CHRNE: variants seen among roughly 807,000 people sequenced by gnomAD.
CHRNE encodes the protein acetylcholine receptor subunit epsilon.
CHRNE carries 58 observed loss-of-function variants against 56.5 expected under a neutral mutation model. That is an observed-to-expected ratio of 1.03 (90% CI 0.83 to 1.28). CHRNE has a LOEUF of 1.28. Ranked by LOEUF, CHRNE falls within the 50% of genes most tolerant of loss-of-function variation. The pLI, the probability that CHRNE is intolerant of heterozygous loss-of-function variation, is 0.00. For missense variants in CHRNE, 793 were observed against 688.9 expected, an observed-to-expected ratio of 1.15 and a Z score of -1.69; for synonymous variants, 385 against 297.9, an observed-to-expected ratio of 1.29 and a Z score of -3.01.
rs1330288585 is a variant in CHRNE, at chr17:4,898,716, G to C, written c.*20C>G. The C allele has an allele frequency of 1.2e-6, 2 of 1,605,668 alleles. No homozygotes were observed. The highest frequency in any genetic ancestry group is 1.7e-6 in the Non-Finnish European group (2 of 1,176,728). ...TCAATTTCCTACTGGAGATGGGTGG[G>C]AAATTGAAGTCGGTGCGAGCTAAGG... On this transcript the variant is annotated 3_prime_UTR_variant, in exon 12 of 12. Coordinates refer to ENST00000649488, the MANE Select transcript of CHRNE (RefSeq NM_000080.4).
rs1407243713 is a variant in CHRNE, at chr17:4,899,583, C to G, written c.918-1G>C. Reference sequence around the variant, plus strand: ...GACCACCATGACGAAAATAAGGAACCTGAGGAGCCCGGAAGGCATGACATC... The same window carrying G: ...GACCACCATGACGAAAATAAGGAACGTGAGGAGCCCGGAAGGCATGACATC... On this transcript the variant is annotated splice_acceptor_variant, in intron 8 of 11. Transcript: ENST00000649488. LOFTEE classifies it high-confidence loss of function. The G allele has an allele frequency of 6.4e-7, 1 of 1,573,486 alleles. No individual in the cohort carries two copies. The highest frequency in any genetic ancestry group is 8.6e-7 in the Non-Finnish European group (1 of 1,158,788).
At chr17:4,901,795 CG>C in intron 5 of CHRNE, 136 bp downstream of exon 5, 2 of 1,353,780 alleles carry the variant, frequency 1.5e-6, no homozygotes, top group Non-Finnish European at 2.1e-6. Flanking sequence ...CGCGCTGGAG[CG>C]TCCCACCCAG....
Position 4,901,183 on chromosome 17 carries a change from G to T in CHRNE, c.609C>A (p.Gly203=), listed in dbSNP as rs912870458. Residue 203 remains glycine (G), a synonymous_variant, in exon 7 of 12, where the codon GGC becomes GGA. Transcript: ENST00000649488. ...CCGGGCAGAAGTCGATGGCCCACTCGCCGTTCTCTGCGGGACGGGGGCACG... is the reference window on the plus strand; with the variant it reads ...CCGGGCAGAAGTCGATGGCCCACTCTCCGTTCTCTGCGGGACGGGGGCACG... ...DIDTEAYTEN[G]EWAIDFCPGV... is the part of the protein sequence containing the mutation. 6.2e-7 allele frequency: 1 copy of T among 1,604,128 alleles called. No individual in the cohort carries two copies. Among genetic ancestry groups the T allele is most frequent in the African/African-American group, 1.3e-5 (1 of 75,028 alleles).
chr17:4,902,657 G>A lies in CHRNE; in HGVS notation c.153C>T (p.Ile51=). ...GATTCGTCAGGGTGACCTTGAGGCT[G>A]ATGGTGACAGTATCCTCAGGCTCCC... ...PVREPEDTVT[I]SLKVTLTNLI... is the part of the protein sequence containing the mutation. Residue 51 remains isoleucine, a synonymous_variant, in exon 2 of 12, where the codon ATC becomes ATT. Coordinates refer to ENST00000649488, the MANE Select transcript of CHRNE (RefSeq NM_000080.4). The surrounding 1 kb of genome is among the most constrained non-coding windows in gnomAD (Gnocchi z 4.0). 6.2e-7 allele frequency: 1 copy of A among 1,614,074 alleles called. No individual in the cohort carries two copies. Among genetic ancestry groups the A allele is most frequent in the African/African-American group, 1.3e-5 (1 of 75,024 alleles).
chr17:4,900,319 C>A lies in CHRNE; in HGVS notation c.917+474G>T, dbSNP rs1453925714. On this transcript the variant is annotated intron_variant, in intron 8 of 11. Transcript: ENST00000649488. ...GCCCCAGACGGCAGGGATCCGGGTGCAGCGCTGAGCCGGGTAGCCCAAGCC... is the reference window on the plus strand; with the variant it reads ...GCCCCAGACGGCAGGGATCCGGGTGAAGCGCTGAGCCGGGTAGCCCAAGCC... 3 of 1,545,060 alleles carry A rather than the reference C, an allele frequency of 1.9e-6. No individual in the cohort carries two copies. The East Asian group carries it at 7.3e-5, about 38-fold the overall frequency.
Position 4,902,694 on chromosome 17 carries a change from C to T in CHRNE, c.116G>A (p.Ser39Asn). The part of the protein sequence containing the change: ...HHLFNNYDPG[S>N]RPVREPEDTV... ...ATCCTCAGGCTCCCGCACTGGCCGG[C>T]TTCCTGGGTCATAGTTGTTGAAGAG... Residue 39 changes from serine (S) to asparagine (N), a missense_variant, in exon 2 of 12, where the codon AGC (serine) becomes AAC (asparagine). Ser to Asn is a conservative substitution (Grantham distance 46). Transcript: ENST00000649488. This position sits in a 1 kb window ranked among gnomAD's most constrained non-coding sequence, Gnocchi z 4.0. 6.2e-7 allele frequency: 1 copy of T among 1,614,104 alleles called. No homozygotes were observed. The highest frequency in any genetic ancestry group is 8.5e-7 in the Non-Finnish European group (1 of 1,180,018).
intron 5 of CHRNE, 94 bp from the exon 6 acceptor site, chr17:4,901,719 G>A: frequency 3.0e-6 from 4 of 1,351,414 alleles, no homozygotes; most frequent in African/African-American, 1.4e-5. Flanking sequence ...GCGGGGCCGC[G>A]ATCCCAAGCC....
upstream of CHRNE, among the ~76,000 whole-genome samples, chr17:4,907,590 A>AAAAAAAAT (rs386627263): frequency 1.4e-4 from 18 of 125,012 alleles, no homozygotes; most frequent in African/African-American, 4.2e-4. Context: ...AAAAAAAAAA[A>AAAAAAAAT]CACTCTCAGC....
chr17:4,899,776 C>A (rs558951496), intron 8 of CHRNE, 194 bp from the exon 9 acceptor site: 5 of 1,551,230 alleles, frequency 3.2e-6, no homozygotes, highest in Non-Finnish European at 4.4e-6. Context: ...AAGGGGACCC[C>A]CAGCTCCCTG....
Position 4,899,213 on chromosome 17 carries a change from GC to G in CHRNE, c.1203del (p.Gln402ArgfsTer26), listed in dbSNP as rs1429181185. 6.2e-7 allele frequency: 1 copy of G among 1,605,888 alleles called. No individual in the cohort carries two copies. Among genetic ancestry groups the G allele is most frequent in the East Asian group, 2.2e-5 (1 of 44,522 alleles). ...CTGTGCTCACCCGTCCAGGTCCCCT[GC>G]CGGTGCCTCTGCCCCTCAAACACGA... ...SELVFEGQRH[R>X]QGTWTAAFCQ... On this transcript the variant is annotated frameshift_variant, in exon 10 of 12. Coordinates refer to ENST00000649488, the MANE Select transcript of CHRNE (RefSeq NM_000080.4). LOFTEE classifies it high-confidence loss of function.
chr17:4,900,770 C>T (rs960911988), intron 8 of CHRNE, 23 bp downstream of exon 8: 3 of 1,605,502 alleles, frequency 1.9e-6, no homozygotes, highest in African/African-American at 2.7e-5. Flanking sequence ...CTGGCCACAC[C>T]CCCGCGGGGG....
rs151006465 is a variant in CHRNE, at chr17:4,900,849, C to A, written c.861G>T (p.Leu287Phe). The A allele has an allele frequency of 3.7e-6, 6 of 1,614,086 alleles. No homozygotes were observed. In the African/African-American group the frequency reaches 4.0e-5, roughly 11 times the overall value. ...CTGGGATTTTCTGGGCAATGAGGAA[C>A]AAGAAGACGGTCTGGGCGAGCAGGA... ...INVLLAQTVFLFLIAQKIPET... is the reference protein window; with the variant it reads ...INVLLAQTVFFFLIAQKIPET... Residue 287 changes from leucine to phenylalanine, a missense_variant, in exon 8 of 12, where the codon TTG (leucine) becomes TTT (phenylalanine). Physicochemically the swap from Leu to Phe is conservative, Grantham distance 22. Coordinates refer to ENST00000649488, the MANE Select transcript of CHRNE (RefSeq NM_000080.4).
At chr17:4,900,944 C>T (rs750892511) in intron 7 of CHRNE, 37 bp from the exon 8 acceptor site, 3 of 1,613,922 alleles carry the variant, frequency 1.9e-6, no homozygotes, top group African/African-American at 2.7e-5. Flanking sequence ...CCCCGCCTCC[C>T]GGGAGCGAGC....
intron 10 of CHRNE, 25 bp from the exon 11 acceptor site, chr17:4,899,132 G>C (rs774406070): frequency 7.5e-6 from 12 of 1,599,326 alleles, no homozygotes; most frequent in Non-Finnish European, 8.5e-6. Flanking sequence ...ACCGGGGTGG[G>C]CCTTAGGAGC....
At position 4,898,831 on chromosome 17, in the gene CHRNE, G is replaced by C; in HGVS notation, c.1387C>G (p.Leu463Val). ...CTGGAGCCCACGCTGAAGAGCACCA[G>C]AGCGGCCCAGAAGCAGATGTTGTCA... ...ALDNICFWAALVLFSVGSSLI... is the reference protein window; with the variant it reads ...ALDNICFWAAVVLFSVGSSLI... The change falls in exon 12 of 12, where the codon CTG becomes GTG. Residue 463 changes from leucine to valine, a missense_variant. Leu to Val is a conservative substitution (Grantham distance 32). Transcript: ENST00000649488. 6.3e-7 allele frequency: 1 copy of C among 1,598,122 alleles called. No homozygotes were observed. Among genetic ancestry groups the C allele is most frequent in the South Asian group, 1.1e-5 (1 of 88,502 alleles).
chr17:4,900,080 A>G (rs1422701351), intron 8 of CHRNE: 1 of 1,550,846 alleles, frequency 6.4e-7, no homozygotes, highest in Non-Finnish European at 8.7e-7. Flanking sequence ...CCCGAAGCCC[A>G]CCCTGGGGCT....
chr17:4,899,401 G>A lies in CHRNE; in HGVS notation c.1033-17C>T. The A allele has an allele frequency of 6.5e-7, 1 of 1,537,816 alleles. No homozygotes were observed. The highest frequency in any genetic ancestry group is 1.2e-5 in the South Asian group (1 of 83,938). On this transcript the variant is annotated splice_polypyrimidine_tract_variant and intron_variant, in intron 9 of 11. Coordinates refer to ENST00000649488, the MANE Select transcript of CHRNE (RefSeq NM_000080.4). The stretch of plus-strand genomic sequence containing the variant: ...CAGGAGAACCTGGGGCAGGGGCGGG[G>A]CTTAGGGGACGAGGTTAGTACGAAG...
chr17:4,902,752 C>G lies in CHRNE; in HGVS notation c.58G>C (p.Gly20Arg). 2 of 1,614,036 alleles carry G rather than the reference C, an allele frequency of 1.2e-6. No individual in the cohort carries two copies. The highest frequency in any genetic ancestry group is 1.7e-6 in the Non-Finnish European group (2 of 1,180,018). ...TAAAGACGCAGTTCCTCGTTCTTCC[C>G]CACACCCCTGCCTGCGATGGGGTCA... ...LLLGLLGRGV[G>R]KNEELRLYHH... The change falls in exon 2 of 12, where the codon GGG becomes CGG. Residue 20 changes from glycine (G) to arginine (R), a missense_variant. Transcript: ENST00000649488. This position sits in a 1 kb window ranked among gnomAD's most constrained non-coding sequence, Gnocchi z 4.0.
At position 4,901,617 on chromosome 17, in the gene CHRNE, G is replaced by T. The variant is rs375652301; in HGVS notation, c.509C>A (p.Thr170Lys). Residue 170 changes from threonine (T) to lysine (K), a missense_variant, in exon 6 of 12, where the codon ACG becomes AAG. Coordinates refer to ENST00000649488, the MANE Select transcript of CHRNE (RefSeq NM_000080.4). Reference protein sequence around the residue: ...QNCSLIFRSQTYNAEEVEFTF... With the variant: ...QNCSLIFRSQKYNAEEVEFTF... ...GAACTCCACCTCTTCGGCATTGTACGTCTGAGAGCTGCGGAGCCAGGGCCG... is the reference window on the plus strand; with the variant it reads ...GAACTCCACCTCTTCGGCATTGTACTTCTGAGAGCTGCGGAGCCAGGGCCG... 2.5e-6 allele frequency: 4 copies of T among 1,614,020 alleles called. No individual in the cohort carries two copies. The highest frequency in any genetic ancestry group is 3.4e-6 in the Non-Finnish European group (4 of 1,179,958).
Sources: allele counts gnomAD v4.1 joint callset (sites outside exome capture counted in the v4.1 genomes callset), GRCh38; gene constraint gnomAD v4.1.1; non-coding constraint Gnocchi (gnomAD v3.1); transcripts MANE v1.5; gene names NCBI Gene and HGNC (gene_info 2026-07-23, HGNC 2026-07-21).